The following NDUFV1 variants were observed in gnomAD, a reference collection of about 807,000 sequenced individuals.
NDUFV1 encodes the protein NADH dehydrogenase [ubiquinone] flavoprotein 1, mitochondrial.
Under a neutral mutation model 48.7 loss-of-function variants are expected in NDUFV1, and 41 were observed. That is an observed-to-expected ratio of 0.84 (90% CI 0.66 to 1.09). The LOEUF is 1.09. Among genes scored for constraint, NDUFV1 ranks in the 50% least tolerant of loss-of-function variants. NDUFV1 has a pLI of 0.00. For missense variants in NDUFV1, 580 were observed against 645.4 expected (o/e 0.90, Z 1.10); for synonymous variants, 231 against 259.1 (o/e 0.89, Z 1.04).
chr11:67,607,636 C>T (rs928155361), intron 1 of NDUFV1: 9 of 363,012 alleles, frequency 2.5e-5, no homozygotes, highest in African/African-American at 1.7e-4. Context: ...TAAAAGGCCC[C>T]TGGCCTACCC....
chr11:67,609,420 C>G, intron 3 of NDUFV1, 32 bp from the exon 4 acceptor site: 1 of 1,611,430 alleles, frequency 6.2e-7, no homozygotes, highest in Non-Finnish European at 8.5e-7. Context: ...CCTGATGGCC[C>G]TGTAGCCTGT....
chr11:67,607,170 C>G (rs1854821722), intron 1 of NDUFV1, 94 bp downstream of exon 1: 1 of 1,345,084 alleles, frequency 7.4e-7, no homozygotes, highest in East Asian at 2.5e-5. Context: ...GTAGTGGCCT[C>G]TGGAGAGCCC....
chr11:67,612,330 A>AT lies in NDUFV1; in HGVS notation c.1309-37dup. 6.2e-7 allele frequency: 1 copy of AT among 1,613,342 alleles called. No homozygotes were observed. Among genetic ancestry groups the AT allele is most frequent in the Non-Finnish European group, 8.5e-7 (1 of 1,179,830 alleles). On this transcript the variant is annotated intron_variant, in intron 9 of 9. Coordinates refer to ENST00000322776, the MANE Select transcript of NDUFV1 (RefSeq NM_007103.4). The surrounding 1 kb of genome is among the most constrained non-coding windows in gnomAD (Gnocchi z 4.4). ...CATCAAGGGCCCAGGGTGTTGGGGG[A>AT]TTTTTGGACTCTGTTTCACATGGTC...
rs770047889 is a variant in NDUFV1, at chr11:67,610,482, C to T, written c.612C>T (p.Tyr204=). 1.9e-6 allele frequency: 3 copies of T among 1,614,054 alleles called. No individual in the cohort carries two copies. The highest frequency in any genetic ancestry group is 1.1e-5 in the South Asian group (1 of 91,088). ...TTGTGGTGCGCGGGGCTGGGGCCTA[C>T]ATCTGTGGAGAGGAGACAGCGCTCA... The part of the protein sequence containing the change: ...DVFVVRGAGA[Y]ICGEETALIE... The change falls in exon 5 of 10, where the codon TAC becomes TAT. Residue 204 remains tyrosine, a synonymous_variant. Transcript: ENST00000322776.
chr11:67,611,613 CTG>C lies in NDUFV1; in HGVS notation c.1080+46_1080+47del. The C allele has an allele frequency of 6.3e-7, 1 of 1,580,876 alleles. No homozygotes were observed. Among genetic ancestry groups the C allele is most frequent in the Non-Finnish European group, 8.6e-7 (1 of 1,163,450 alleles). On this transcript the variant is annotated intron_variant, in intron 7 of 9. Transcript: ENST00000322776. This position sits in a 1 kb window ranked among gnomAD's most constrained non-coding sequence, Gnocchi z 4.2. ...GCCCTGGTCCCTGCCCTCCTGGTTG[CTG>C]TCTCCCTCCCTGGGCCTCCCAGAAA... is the stretch of plus-strand genomic sequence containing the variant.
In NDUFV1 at chr11:67,607,041, C is replaced by T. The variant is rs766478707; in HGVS notation, c.37C>T (p.Pro13Ser). The T allele has an allele frequency of 6.2e-7, 1 of 1,609,258 alleles. No homozygotes were observed. Among genetic ancestry groups the T allele is most frequent in the African/African-American group, 1.3e-5 (1 of 75,022 alleles). Residue 13 changes from proline (P) to serine (S), a missense_variant, in exon 1 of 10, where the codon CCC (proline) becomes TCC (serine). Transcript: ENST00000322776. ...ACGGCGGCTGCTCGGCTGGTCGCTTCCCGCGCGGGTATCTGTGCGTTTCAG... is the reference window on the plus strand; with the variant it reads ...ACGGCGGCTGCTCGGCTGGTCGCTTTCCGCGCGGGTATCTGTGCGTTTCAG... ...ATRRLLGWSL[P>S]ARVSVRFSGD...
chr11:67,607,427 C>T (rs969014536), intron 1 of NDUFV1: 12 of 514,146 alleles, frequency 2.3e-5, no homozygotes, highest in African/African-American at 2.3e-4. Flanking sequence ...GATTTCCCGT[C>T]CACTGCTCTG....
In NDUFV1 at chr11:67,608,410, A is replaced by G. The variant is rs371391733; in HGVS notation, c.87A>G (p.Lys29=). The G allele has an allele frequency of 6.2e-7, 1 of 1,612,656 alleles. No homozygotes were observed. The highest frequency in any genetic ancestry group is 8.5e-7 in the Non-Finnish European group (1 of 1,178,862). The change falls in exon 2 of 10, where the codon AAA becomes AAG. Residue 29 remains lysine, a synonymous_variant. Transcript: ENST00000322776. Reference sequence around the variant, plus strand: ...TGTCTCCCTAGACAGCACCCAAGAAAACCTCATTTGGCTCGCTGAAGGATG... The same window carrying G: ...TGTCTCCCTAGACAGCACCCAAGAAGACCTCATTTGGCTCGCTGAAGGATG... ...RFSGDTTAPK[K]TSFGSLKDED...
At position 67,611,720 on chromosome 11, in the gene NDUFV1, T is replaced by G. The variant is rs1025936636; in HGVS notation, c.1080+151T>G. 2.8e-5 allele frequency: 39 copies of G among 1,391,628 alleles called. No individual in the cohort carries two copies. Among genetic ancestry groups the G allele is most frequent in the Non-Finnish European group, 3.7e-5 (37 of 1,011,040 alleles). The allele number at this position is 1,391,628 out of a possible 1,614,324, so 86.2% of individuals were successfully genotyped here. On this transcript the variant is annotated intron_variant, in intron 7 of 9. Transcript: ENST00000322776. The surrounding 1 kb of genome is among the most constrained non-coding windows in gnomAD (Gnocchi z 4.2). ...GGAAGAGGAGGGAGGAAGGCTGCTC[T>G]GAGGAGAATACCCCGGAGTCTGGGC...
intron 1 of NDUFV1, chr11:67,607,635 C>T (rs1854835307): frequency 2.8e-6 from 1 of 363,094 alleles, no homozygotes; most frequent in Non-Finnish European, 5.5e-6. Context: ...ATAAAAGGCC[C>T]CTGGCCTACC....
In NDUFV1 at chr11:67,611,446, T is replaced by C; in HGVS notation, c.957T>C (p.Pro319=). 6.2e-7 allele frequency: 1 copy of C among 1,614,072 alleles called. No homozygotes were observed. Among genetic ancestry groups the C allele is most frequent in the Non-Finnish European group, 8.5e-7 (1 of 1,180,006 alleles). ...GGGACAACCTCCTTGCTGTGATCCC[T>C]GGCGGCTCGTCTACCCCACTGATCC... ...GGWDNLLAVI[P]GGSSTPLIPK... is the part of the protein sequence containing the mutation. The change falls in exon 7 of 10, where the codon CCT becomes CCC. Residue 319 remains proline (P), a synonymous_variant. Coordinates refer to ENST00000322776, the MANE Select transcript of NDUFV1 (RefSeq NM_007103.4). This position sits in a 1 kb window ranked among gnomAD's most constrained non-coding sequence, Gnocchi z 4.2.
At chr11:67,610,930 C>A (rs984186215) in intron 5 of NDUFV1, 65 bp from the exon 6 acceptor site, 8 of 1,505,644 alleles carry the variant, frequency 5.3e-6, no homozygotes, top group Non-Finnish European at 6.5e-6. Flanking sequence ...CTGGGACACA[C>A]CTCCCTGCCA....
rs1485666649 is a variant in NDUFV1 at position 67,608,591 on chromosome 11, A to G, written c.195A>G (p.Thr65=). The G allele has an allele frequency of 1.2e-6, 2 of 1,614,030 alleles. No individual in the cohort carries two copies. Among genetic ancestry groups the G allele is most frequent in the African/African-American group, 2.7e-5 (2 of 74,902 alleles). The change falls in exon 3 of 10, where the codon ACA becomes ACG. Residue 65 remains threonine (T), a synonymous_variant. Coordinates refer to ENST00000322776, the MANE Select transcript of NDUFV1 (RefSeq NM_007103.4). ...TGAGTCGAGGTGACTGGTACAAGACAAAGGAGATCCTGCTGAAGGGGCCCG... is the reference window on the plus strand; with the variant it reads ...TGAGTCGAGGTGACTGGTACAAGACGAAGGAGATCCTGCTGAAGGGGCCCG... ...GSLSRGDWYK[T]KEILLKGPDW... is the part of the protein sequence containing the mutation.
rs1227378702 is a variant in NDUFV1 at position 67,611,230 on chromosome 11, TG to T, written c.913+25del. ...CTGGTAAGGCCTGGGGCCAGCCAGGTGGTGGGGGGGTGCGCAGTGGGGGCAG... is the reference window on the plus strand; with the variant it reads ...CTGGTAAGGCCTGGGGCCAGCCAGGTGTGGGGGGGTGCGCAGTGGGGGCAG... On this transcript the variant is annotated intron_variant, in intron 6 of 9. Transcript: ENST00000322776. This position sits in a 1 kb window ranked among gnomAD's most constrained non-coding sequence, Gnocchi z 4.2. The T allele has an allele frequency of 1.9e-6, 3 of 1,564,404 alleles. No homozygotes were observed. In the African/African-American group the frequency reaches 4.2e-5, roughly 22 times the overall value.
chr11:67,607,648 A>G, intron 1 of NDUFV1: 2 of 357,286 alleles, frequency 5.6e-6, no homozygotes, highest in East Asian at 7.5e-5. Flanking sequence ...GGCCTACCCA[A>G]GTTTTGGTCC....
In NDUFV1 at chr11:67,607,054, CTG is replaced by C. The variant is rs746745725; in HGVS notation, c.53_54del (p.Val18AlafsTer20). On this transcript the variant is annotated frameshift_variant, in exon 1 of 10. Transcript: ENST00000322776. LOFTEE classifies it high-confidence loss of function. ...GGCTGGTCGCTTCCCGCGCGGGTATCTGTGCGTTTCAGCGGCGACACGGTGAG... is the reference window on the plus strand; with the variant it reads ...GGCTGGTCGCTTCCCGCGCGGGTATCTGCGTTTCAGCGGCGACACGGTGAG... 1.2e-6 allele frequency: 2 copies of C among 1,608,812 alleles called. No homozygotes were observed. The highest frequency in any genetic ancestry group is 2.2e-5 in the East Asian group (1 of 44,732).
intron 3 of NDUFV1, 69 bp from the exon 4 acceptor site, chr11:67,609,382 TG>T (rs1276867698): frequency 1.3e-6 from 2 of 1,508,282 alleles, no homozygotes; most frequent in Non-Finnish European, 9.2e-7. Context: ...CTGGGTGGAG[TG>T]GGGTGGCATG....
chr11:67,607,146 A>G (rs947401454), intron 1 of NDUFV1, 70 bp downstream of exon 1: 62 of 1,507,850 alleles, frequency 4.1e-5, no homozygotes, highest in Non-Finnish European at 5.6e-5. Flanking sequence ...GTGCACGAGC[A>G]GTCCCTGGGG....
In NDUFV1 at chr11:67,608,667, G is replaced by A. The variant is rs746386060; in HGVS notation, c.271G>A (p.Ala91Thr). 6.2e-6 allele frequency: 10 copies of A among 1,614,152 alleles called. No individual in the cohort carries two copies. Among genetic ancestry groups the A allele is most frequent in the South Asian group, 2.2e-5 (2 of 91,084 alleles). The change falls in exon 3 of 10, where the codon GCT (alanine) becomes ACT (threonine). Residue 91 changes from alanine (A) to threonine (T), a missense_variant. Ala to Thr is a moderately conservative substitution (Grantham distance 58, BLOSUM62 0). Transcript: ENST00000322776. The stretch of plus-strand genomic sequence containing the variant: ...ATCGGGTTTGAGGGGCCGTGGAGGC[G>A]CTGGCTTCCCCACTGGCCTCAAGTG... ...KTSGLRGRGGAGFPTGLKWSF... is the reference protein window; with the variant it reads ...KTSGLRGRGGTGFPTGLKWSF...
Sources: allele counts gnomAD v4.1 joint callset, GRCh38; gene constraint gnomAD v4.1.1; non-coding constraint Gnocchi (gnomAD v3.1); transcripts MANE v1.5; gene names NCBI Gene and HGNC (gene_info 2026-07-23, HGNC 2026-07-21).